Variants in PIK3R5 observed in about 807,000 individuals in gnomAD.
PIK3R5 encodes the protein phosphoinositide-3-kinase regulatory subunit 5.
Under a neutral mutation model 94.9 loss-of-function variants are expected in PIK3R5, and 32 were observed. The observed-to-expected ratio is 0.34, with a 90% CI of 0.25 to 0.45. The LOEUF (loss-of-function observed/expected upper bound fraction) is 0.45. Ranked by LOEUF, PIK3R5 falls within the 20% of genes least tolerant of loss-of-function variation. PIK3R5 has a pLI of 1.00. For synonymous variants in PIK3R5, 443 were observed against 479.4 expected (o/e 0.92, Z 0.99); for missense variants, 853 against 1,144.6 (o/e 0.75, Z 3.68).
chr17:8,886,219 C>T lies in PIK3R5; in HGVS notation c.2128+10G>A. The T allele has an allele frequency of 6.3e-7, 1 of 1,598,776 alleles. No homozygotes were observed. Among genetic ancestry groups the T allele is most frequent in the Non-Finnish European group, 8.6e-7 (1 of 1,167,916 alleles). The stretch of plus-strand genomic sequence containing the variant: ...GCCTCACCGTCTGTCTCTGCTCAGG[C>T]AGTACCCACCTGACGCCTTGATGGC... On this transcript the variant is annotated intron_variant, in intron 14 of 18. Transcript: ENST00000447110.
intron 1 of PIK3R5, among the ~76,000 whole-genome samples, chr17:8,922,939 T>G (rs2090784906): frequency 6.6e-6 from 1 of 152,016 alleles, no homozygotes; most frequent in Non-Finnish European, 1.5e-5. Context: ...GACTGCCCAC[T>G]TCCCCCCATC....
rs761533890 is a variant in PIK3R5, at chr17:8,888,164, C to A, written c.1616+7G>T. On this transcript the variant is annotated splice_region_variant and intron_variant, in intron 10 of 18. Coordinates refer to ENST00000447110, the MANE Select transcript of PIK3R5 (RefSeq NM_001142633.3). The surrounding 1 kb of genome is among the most constrained non-coding windows in gnomAD (Gnocchi z 7.8). Reference sequence around the variant, plus strand: ...GGCAGAGGGATGCTCCGCATTACGGCTCTTACCGAAGGTTGCTGTACGCCC... The same window carrying A: ...GGCAGAGGGATGCTCCGCATTACGGATCTTACCGAAGGTTGCTGTACGCCC... The A allele has an allele frequency of 6.2e-7, 1 of 1,613,128 alleles. No homozygotes were observed. Among genetic ancestry groups the A allele is most frequent in the East Asian group, 2.2e-5 (1 of 44,878 alleles).
At chr17:8,899,433 C>T (rs2090226774) in intron 5 of PIK3R5, among the ~76,000 whole-genome samples, 1 of 152,200 alleles carries the variant, frequency 6.6e-6, no homozygotes, top group South Asian at 2.1e-4. Context: ...ACCCTTACTG[C>T]CCCCAGCACT....
intron 1 of PIK3R5, among the ~76,000 whole-genome samples, chr17:8,928,843 G>T (rs2090936547): frequency 1.3e-5 from 2 of 152,164 alleles, no homozygotes; most frequent in South Asian, 4.1e-4. Context: ...AAAAATCTGG[G>T]TAAATACAAT....
At position 8,884,626 on chromosome 17, in the gene PIK3R5, T is replaced by C. The variant is rs71371876; in HGVS notation, c.2205+81A>G. 7,132 of 1,129,432 alleles carry C rather than the reference T, an allele frequency of 6.3e-3. 38 individuals are homozygous for C. The highest frequency in any genetic ancestry group is 0.014 in the Middle Eastern group (73 of 5,108). The allele number at this position is 1,129,432 out of a possible 1,614,324, so 70.0% of individuals were successfully genotyped here. ...AGACTGGGGCCCAGGAACACACGAG[T>C]CCAGCTCTGGGTCCAAGCTCTGGCG... On this transcript the variant is annotated intron_variant, in intron 15 of 18. Coordinates refer to ENST00000447110, the MANE Select transcript of PIK3R5 (RefSeq NM_001142633.3). The surrounding 1 kb of genome is among the most constrained non-coding windows in gnomAD (Gnocchi z 5.8).
At chr17:8,918,488 A>G (rs1460727031) in intron 1 of PIK3R5, among the ~76,000 whole-genome samples, 2 of 152,268 alleles carry the variant, frequency 1.3e-5, no homozygotes, top group Non-Finnish European at 2.9e-5. Flanking sequence ...ATAGATAATT[A>G]TAGATAATTA....
chr17:8,913,307 T>C (rs2090564928), intron 1 of PIK3R5, among the ~76,000 whole-genome samples: 1 of 152,226 alleles, frequency 6.6e-6, no homozygotes. Flanking sequence ...GCTGAGAACC[T>C]GGACCCAGGA....
intron 1 of PIK3R5, among the ~76,000 whole-genome samples, chr17:8,962,673 C>T (rs1212766054): frequency 2.6e-5 from 4 of 152,124 alleles, no homozygotes; most frequent in Non-Finnish European, 5.9e-5. Context: ...ATATTGTTGC[C>T]TATTATAATT....
intron 14 of PIK3R5, among the ~76,000 whole-genome samples, chr17:8,885,302 CTT>C: frequency 6.6e-6 from 1 of 151,462 alleles, no homozygotes; most frequent in South Asian, 2.1e-4. Flanking sequence ...TCCCCATGGC[CTT>C]GCCTCCTGGG....
At chr17:8,947,081 G>A (rs541635394) in intron 1 of PIK3R5, among the ~76,000 whole-genome samples, 2 of 56,530 alleles carry the variant, frequency 3.5e-5, no homozygotes, top group East Asian at 5.8e-4. Context: ...GAAGATGAGA[G>A]AGAAGCGCAT....
At position 8,889,131 on chromosome 17, in the gene PIK3R5, C is replaced by G; in HGVS notation, c.895+8G>C. ...GGCATGGGTGTCACCAGGGCCCCGG[C>G]TCCTTACCAAAGCTGTCCTGGCTCC... On this transcript the variant is annotated splice_region_variant and intron_variant, in intron 9 of 18. Coordinates refer to ENST00000447110, the MANE Select transcript of PIK3R5 (RefSeq NM_001142633.3). The surrounding 1 kb of genome is among the most constrained non-coding windows in gnomAD (Gnocchi z 4.1). The G allele has an allele frequency of 6.2e-7, 1 of 1,612,740 alleles. No individual in the cohort carries two copies. The highest frequency in any genetic ancestry group is 8.5e-7 in the Non-Finnish European group (1 of 1,179,236).
At chr17:8,908,965 C>A (rs2090461506) in intron 3 of PIK3R5, 109 bp downstream of exon 3, 2 of 678,232 alleles carry the variant, frequency 2.9e-6, no homozygotes, top group Non-Finnish European at 5.2e-6. Flanking sequence ...GGCCTTTGCC[C>A]AGCCCCTCTG....
Position 8,962,305 on chromosome 17 carries a change from C to T in PIK3R5, c.-14+3291G>A, listed in dbSNP as rs371100603. On this transcript the variant is annotated intron_variant, in intron 1 of 18. Coordinates refer to ENST00000447110, the MANE Select transcript of PIK3R5 (RefSeq NM_001142633.3). The stretch of plus-strand genomic sequence containing the variant: ...GGACAGGGAGAAAGATGAAAGAGAA[C>T]GAAGCATGAATGTACAAAAAGACAC... Among the ~76,000 whole-genome samples the T allele has an allele frequency of 8.5e-5, 13 of 152,218 alleles. 1 individual carries two copies. The highest frequency in any genetic ancestry group is 2.2e-4 in the African/African-American group (9 of 41,526).
At chr17:8,918,546 G>A (rs923030718) in intron 1 of PIK3R5, among the ~76,000 whole-genome samples, 2 of 152,064 alleles carry the variant, frequency 1.3e-5, no homozygotes, top group African/African-American at 4.8e-5. Context: ...AGAAATGACA[G>A]GTCTTCTTTA....
chr17:8,921,657 A>C (rs1392275171), intron 1 of PIK3R5, among the ~76,000 whole-genome samples: 1 of 152,222 alleles, frequency 6.6e-6, no homozygotes, highest in Non-Finnish European at 1.5e-5. Context: ...AAATTTTTTT[A>C]AAAACTTTAA....
At chr17:8,894,521 G>C (rs2090105883) in intron 5 of PIK3R5, among the ~76,000 whole-genome samples, 1 of 152,136 alleles carries the variant, frequency 6.6e-6, no homozygotes, top group Admixed American at 6.5e-5. Context: ...TCCTCTCCCA[G>C]CCCGCATCCC....
rs973943307 is a variant in PIK3R5 at position 8,904,862 on chromosome 17, G to T, written c.327C>A (p.Tyr109Ter). 1 of 1,614,072 alleles carries T rather than the reference G, an allele frequency of 6.2e-7. No individual in the cohort carries two copies. Among genetic ancestry groups the T allele is most frequent in the Non-Finnish European group, 8.5e-7 (1 of 1,180,018 alleles). The change falls in exon 5 of 19, where the codon TAC becomes TAA. Residue 109 changes from tyrosine to a stop codon, truncating the protein, a stop_gained. Transcript: ENST00000447110. LOFTEE classifies it high-confidence loss of function. This position sits in a 1 kb window ranked among gnomAD's most constrained non-coding sequence, Gnocchi z 5.1. ...SDLLLKAAST[Y>*]HRFLTWPVPY... ...GAACAGGCCAGGTCAGGAACCGGTG[G>T]TAGGTGCTGGCTGCCTTCAGAAGGA...
At chr17:8,930,783 G>C (rs552622090) in intron 1 of PIK3R5, among the ~76,000 whole-genome samples, 1 of 152,192 alleles carries the variant, frequency 6.6e-6, no homozygotes, top group East Asian at 1.9e-4. Context: ...AAAAGAATGC[G>C]TAACATATTA....
chr17:8,959,130 A>C (rs1342493358), intron 1 of PIK3R5, among the ~76,000 whole-genome samples: 1 of 152,188 alleles, frequency 6.6e-6, no homozygotes, highest in African/African-American at 2.4e-5. Context: ...ACAACAGAGC[A>C]GTGGCCCAGT....
Sources: allele counts gnomAD v4.1 joint callset (sites outside exome capture counted in the v4.1 genomes callset), GRCh38; gene constraint gnomAD v4.1.1; non-coding constraint Gnocchi (gnomAD v3.1); transcripts MANE v1.5; gene names NCBI Gene and HGNC (gene_info 2026-07-23, HGNC 2026-07-21).